Variants in PTDSS2 observed in about 807,000 individuals in gnomAD.
PTDSS2 encodes the protein phosphatidylserine synthase 2, also known as PSS-2.
PTDSS2 carries 41 observed loss-of-function variants against 64.7 expected under a neutral mutation model. The observed-to-expected ratio is 0.63, with a 90% confidence interval of 0.49 to 0.82. PTDSS2 has a LOEUF of 0.82. Among genes scored for constraint, PTDSS2 ranks in the 40% least tolerant of loss-of-function variants. The probability of loss-of-function intolerance (pLI) is 0.00; values close to 1 mark genes in which losing one functional copy is unlikely to be tolerated. For missense variants in PTDSS2, 485 were observed against 650.0 expected, an observed-to-expected ratio of 0.75 and a Z score of 2.76; for synonymous variants, 297 against 277.8, an observed-to-expected ratio of 1.07 and a Z score of -0.69.
chr11:490,204 G>T, intron 11 of PTDSS2, 136 bp downstream of exon 11: 3 of 1,175,618 alleles, frequency 2.6e-6, no homozygotes, highest in Non-Finnish European at 3.6e-6. Flanking sequence ...TGCGGGAGGC[G>T]CCTTTCCTGA....
At position 471,963 on chromosome 11, in the gene PTDSS2, A is replaced by ACG. The variant is rs1418650954; in HGVS notation, c.285-1932_285-1931insCG. On this transcript the variant is annotated intron_variant, in intron 2 of 11. Coordinates refer to ENST00000308020, the MANE Select transcript of PTDSS2 (RefSeq NM_030783.3). ...GTGACGTGGATGGCGGCCTGGGGTG[A>ACG]TGCAGATGGCGGCCTGGGGTGACGC... Among the ~76,000 whole-genome samples the ACG allele has an allele frequency of 3.2e-3, 400 of 124,426 alleles. 3 individuals carry two copies. The highest frequency in any genetic ancestry group is 7.9e-3 in the South Asian group (28 of 3,566). The allele number at this position is 124,426 out of a possible 152,430, so 81.6% of individuals were successfully genotyped here. A position where few individuals can be genotyped will look rare whatever the true frequency, so the allele number is the denominator to read the frequency against.
At chr11:454,354 G>A (rs1050817408) in intron 1 of PTDSS2, among the ~76,000 whole-genome samples, 4 of 152,314 alleles carry the variant, frequency 2.6e-5, no homozygotes, top group Admixed American at 6.5e-5. Flanking sequence ...CTGAAGGGGC[G>A]AAGGGTTACC....
chr11:451,759 G>A (rs1846340611), intron 1 of PTDSS2, among the ~76,000 whole-genome samples: 1 of 152,184 alleles, frequency 6.6e-6, no homozygotes. Flanking sequence ...CACCGCAGCC[G>A]AAGCTCTGGA....
At position 479,521 on chromosome 11, in the gene PTDSS2, C is replaced by G. The variant is rs1214696405; in HGVS notation, c.435+369C>G. 3.2e-6 allele frequency: 1 copy of G among 314,866 alleles called. No individual in the cohort carries two copies. The highest frequency in any genetic ancestry group is 2.2e-5 in the African/African-American group (1 of 45,052). 19.5% of individuals were successfully genotyped at this position (314,866 alleles called of 1,614,324 possible). On this transcript the variant is annotated intron_variant, in intron 4 of 11. Coordinates refer to ENST00000308020, the MANE Select transcript of PTDSS2 (RefSeq NM_030783.3). The surrounding 1 kb of genome is among the most constrained non-coding windows in gnomAD (Gnocchi z 4.2). ...GCTGCCAGGGTGGCTTTGCCCACAG[C>G]TGTCGTATCTGAGTGCTGGTGGGGA...
chr11:474,032 C>A (rs1000421879), intron 3 of PTDSS2, 55 bp downstream of exon 3: 5 of 1,420,704 alleles, frequency 3.5e-6, no homozygotes, highest in South Asian at 2.3e-5. Flanking sequence ...TTCTGAGCGG[C>A]CACTCTGTGT....
Position 484,434 on chromosome 11 carries a change from C to T in PTDSS2, c.436-2505C>T, listed in dbSNP as rs1478595649. Among the ~76,000 whole-genome samples the T allele has an allele frequency of 1.2e-4, 18 of 152,232 alleles. 1 individual carries two copies. The highest frequency in any genetic ancestry group is 4.1e-4 in the South Asian group (2 of 4,836). ...TGGGTGGGCTGCGTGGTCCTGGGTG[C>T]CATAGCTCACAGAGGACGGGCATGT... On this transcript the variant is annotated intron_variant, in intron 4 of 11. Transcript: ENST00000308020.
chr11:482,748 T>A (rs1339338878), intron 4 of PTDSS2, among the ~76,000 whole-genome samples: 2 of 152,000 alleles, frequency 1.3e-5, no homozygotes, highest in Non-Finnish European at 2.9e-5. Context: ...TTTGTAGATC[T>A]CCCTACCGAG....
intron 4 of PTDSS2, among the ~76,000 whole-genome samples, chr11:481,002 T>C (rs1224878746): frequency 6.6e-6 from 1 of 151,266 alleles, no homozygotes; most frequent in Admixed American, 6.6e-5. Context: ...GTGAATGGCC[T>C]GAACCCGGGA....
intron 2 of PTDSS2, among the ~76,000 whole-genome samples, chr11:467,747 T>C (rs770069794): frequency 2.6e-5 from 4 of 152,024 alleles, no homozygotes; most frequent in Non-Finnish European, 4.4e-5. Flanking sequence ...AATATAGATA[T>C]AGATATAGAT....
At chr11:473,549 C>T (rs570479188) in intron 2 of PTDSS2, among the ~76,000 whole-genome samples, 1 of 152,374 alleles carries the variant, frequency 6.6e-6, no homozygotes, top group East Asian at 1.9e-4. Context: ...GGGCGGGCTG[C>T]AAATGTGAGG....
At chr11:486,401 G>C (rs567231591) in intron 4 of PTDSS2, among the ~76,000 whole-genome samples, 25 of 152,304 alleles carry the variant, frequency 1.6e-4, no homozygotes, top group African/African-American at 5.1e-4. Flanking sequence ...GTGCCCACCT[G>C]GCCCCGGGGA....
intron 4 of PTDSS2, among the ~76,000 whole-genome samples, chr11:486,540 A>G (rs1848397445): frequency 6.6e-6 from 1 of 152,178 alleles, no homozygotes; most frequent in African/African-American, 2.4e-5. Flanking sequence ...ACTGAGATGC[A>G]GTTTACAACC....
chr11:459,089 C>T (rs1452372880), intron 1 of PTDSS2: 8 of 116,282 alleles, frequency 6.9e-5, no homozygotes, highest in African/African-American at 2.3e-4. Context: ...CTGGGTTAGA[C>T]GTGAGGGGAC....
In PTDSS2 at chr11:479,056, C is replaced by G; in HGVS notation, c.368-29C>G. 6.2e-7 allele frequency: 1 copy of G among 1,604,496 alleles called. No homozygotes were observed. Among genetic ancestry groups the G allele is most frequent in the Non-Finnish European group, 8.5e-7 (1 of 1,171,186 alleles). ...GGGCCGTGGAGGCCTGGACCGGGCG[C>G]ACTAACGTTCTGTCGTCTGTCTTTG... is the stretch of plus-strand genomic sequence containing the variant. On this transcript the variant is annotated intron_variant, in intron 3 of 11. Coordinates refer to ENST00000308020, the MANE Select transcript of PTDSS2 (RefSeq NM_030783.3). The surrounding 1 kb of genome is among the most constrained non-coding windows in gnomAD (Gnocchi z 4.2).
rs1848491088 is a variant in PTDSS2, at chr11:488,216, C to T, written c.639C>T (p.Asp213=). The change falls in exon 7 of 12, where the codon GAC becomes GAT. Residue 213 remains aspartate, a synonymous_variant. Coordinates refer to ENST00000308020, the MANE Select transcript of PTDSS2 (RefSeq NM_030783.3). The stretch of plus-strand genomic sequence containing the variant: ...GCCCACAGACCCTGATGATCCGAGA[C>T]TGGTGGATGTGCATGATCATCAGCG... ...GWYLKTLMIR[D]WWMCMIISVM... is the part of the protein sequence containing the mutation. 1 of 1,613,014 alleles carries T rather than the reference C, an allele frequency of 6.2e-7. No homozygotes were observed. Among genetic ancestry groups the T allele is most frequent in the Non-Finnish European group, 8.5e-7 (1 of 1,179,642 alleles).
At chr11:484,354 C>T (rs1197423387) in intron 4 of PTDSS2, among the ~76,000 whole-genome samples, 19 of 152,196 alleles carry the variant, frequency 1.2e-4, no homozygotes. Context: ...GGAATCAGCC[C>T]CTTCTCCAAG....
At chr11:454,487 T>G (rs1283969080) in intron 1 of PTDSS2, among the ~76,000 whole-genome samples, 1 of 152,202 alleles carries the variant, frequency 6.6e-6, no homozygotes, top group Non-Finnish European at 1.5e-5. Flanking sequence ...GTGGCCACTT[T>G]AGAAACCACA....
At chr11:457,940 C>G (rs915296325) in intron 1 of PTDSS2, among the ~76,000 whole-genome samples, 1 of 152,208 alleles carries the variant, frequency 6.6e-6, no homozygotes, top group Non-Finnish European at 1.5e-5. Flanking sequence ...TAATTTCAGC[C>G]GTTCCAGCAG....
At chr11:488,675 G>T in intron 8 of PTDSS2, 28 bp downstream of exon 8, 1 of 1,542,958 alleles carries the variant, frequency 6.5e-7, no homozygotes, top group Non-Finnish European at 9.0e-7. Flanking sequence ...CGAGGGCAGG[G>T]CCGGGTGGGG....
Sources: gnomAD v4.1 joint callset for allele counts (sites outside exome capture counted in the v4.1 genomes callset) on GRCh38, gnomAD v4.1.1 for gene constraint, Gnocchi (gnomAD v3.1) non-coding constraint, MANE v1.5 for transcripts, NCBI Gene and HGNC (gene_info 2026-07-23, HGNC 2026-07-21) for gene names.